SLCO3A1: variants seen among roughly 807,000 people sequenced by gnomAD.
SLCO3A1 encodes the protein solute carrier organic anion transporter family member 3A1, also known as PGE1 transporter.
SLCO3A1 carries 27 observed loss-of-function variants against 63.1 expected under a neutral mutation model. The observed-to-expected ratio is 0.43, with a 90% CI of 0.32 to 0.59. The LOEUF is 0.59. Among genes scored for constraint, SLCO3A1 ranks in the 20% least tolerant of loss-of-function variants. The pLI is 0.09. For missense variants in SLCO3A1, 773 were observed against 945.8 expected (o/e 0.82, Z 2.40); for synonymous variants, 473 against 409.9 (o/e 1.15, Z -1.86).
chr15:92,150,071 G>A (rs777890426), intron 8 of SLCO3A1, among the ~76,000 whole-genome samples: 10 of 152,104 alleles, frequency 6.6e-5, no homozygotes, highest in Admixed American at 2.0e-4. Context: ...CGTCCCCATC[G>A]CTCAATGAAA....
Position 92,132,793 on chromosome 15 carries a change from G to A in SLCO3A1, c.1512+4304G>A, listed in dbSNP as rs1740799929. Reference sequence around the variant, plus strand: ...AAATGCCAAGTAGGTTCTGTGGCGGGGAGGAGGACAGCTCCATTATGGGCC... The same window carrying A: ...AAATGCCAAGTAGGTTCTGTGGCGGAGAGGAGGACAGCTCCATTATGGGCC... On this transcript the variant is annotated intron_variant, in intron 7 of 9. Transcript: ENST00000318445. Among the ~76,000 whole-genome samples, 2 of 144,932 alleles carry A rather than the reference G, an allele frequency of 1.4e-5. 1 individual carries two copies. Among genetic ancestry groups the A allele is most frequent in the Non-Finnish European group, 3.1e-5 (2 of 64,826 alleles).
At chr15:92,032,592 G>A (rs191308465) in intron 2 of SLCO3A1, among the ~76,000 whole-genome samples, 57 of 152,238 alleles carry the variant, frequency 3.7e-4, no homozygotes, top group African/African-American at 1.4e-3. Flanking sequence ...TGGACAAACT[G>A]GGTGAAAGCT....
intron 2 of SLCO3A1, among the ~76,000 whole-genome samples, chr15:92,091,733 C>G (rs1358969534): frequency 6.6e-6 from 1 of 152,158 alleles, no homozygotes; most frequent in Non-Finnish European, 1.5e-5. Flanking sequence ...GAAAAGTGAC[C>G]AGAGGTTGCA....
At chr15:92,141,979 A>G (rs2048139292) in intron 7 of SLCO3A1, among the ~76,000 whole-genome samples, 1 of 152,180 alleles carries the variant, frequency 6.6e-6, no homozygotes, top group Non-Finnish European at 1.5e-5. Context: ...ATCCTGGTGG[A>G]TTGACTCATT....
chr15:91,895,090 T>C (rs1339904258), intron 1 of SLCO3A1, among the ~76,000 whole-genome samples: 2 of 152,196 alleles, frequency 1.3e-5, no homozygotes, highest in Admixed American at 1.3e-4. Flanking sequence ...GGTACATCTC[T>C]TCAAGTCCAA....
rs1362461189 is a variant in SLCO3A1 at position 91,859,742 on chromosome 15, G to T, written c.180+5654G>T. 1.3e-5 allele frequency among the ~76,000 whole-genome samples: 2 copies of T among 152,082 alleles called. No individual in the cohort carries two copies. Among genetic ancestry groups the T allele is most frequent in the Admixed American group, 6.6e-5 (1 of 15,264 alleles). On this transcript the variant is annotated intron_variant, in intron 1 of 9. Coordinates refer to ENST00000318445, the MANE Select transcript of SLCO3A1 (RefSeq NM_013272.4). The surrounding 1 kb of genome is among the most constrained non-coding windows in gnomAD (Gnocchi z 5.1). ...TGAGTCAGTACATGTAAAGCACCTT[G>T]AACAATATCTGGCACATAGTGAGTG... is the stretch of plus-strand genomic sequence containing the variant.
Position 91,860,001 on chromosome 15 carries a change from G to T in SLCO3A1, c.180+5913G>T, listed in dbSNP as rs1171223532. Among the ~76,000 whole-genome samples the T allele has an allele frequency of 6.6e-6, 1 of 152,128 alleles. No homozygotes were observed. The highest frequency in any genetic ancestry group is 1.5e-5 in the Non-Finnish European group (1 of 68,022). ...AAGCTAAATATCAGTTGCTAATTCT[G>T]TTTATTCCCTTATAAATATAGCAAT... On this transcript the variant is annotated intron_variant, in intron 1 of 9. Transcript: ENST00000318445. This position sits in a 1 kb window ranked among gnomAD's most constrained non-coding sequence, Gnocchi z 5.5.
chr15:92,115,547 T>G (rs935757584), intron 4 of SLCO3A1, among the ~76,000 whole-genome samples: 1 of 152,108 alleles, frequency 6.6e-6, no homozygotes, highest in Non-Finnish European at 1.5e-5. Flanking sequence ...CTGGGCCACA[T>G]GCTTTACACA....
intron 1 of SLCO3A1, among the ~76,000 whole-genome samples, chr15:91,871,466 C>G (rs1897276841): frequency 6.6e-6 from 1 of 152,206 alleles, no homozygotes; most frequent in Non-Finnish European, 1.5e-5. Flanking sequence ...TTCCTTGCAG[C>G]AGAGATGATC....
chr15:92,093,107 C>T (rs151102501), intron 2 of SLCO3A1, among the ~76,000 whole-genome samples: 26 of 152,264 alleles, frequency 1.7e-4, no homozygotes, highest in East Asian at 1.2e-3. Context: ...TCTGGGTTCC[C>T]GTGTGTAAAT....
At chr15:92,102,927 T>A (rs1018164475) in intron 3 of SLCO3A1, among the ~76,000 whole-genome samples, 5 of 152,238 alleles carry the variant, frequency 3.3e-5, no homozygotes, top group Non-Finnish European at 5.9e-5. Context: ...CTAACCTTTC[T>A]AAGCCTCAGT....
chr15:91,967,801 C>G lies in SLCO3A1; in HGVS notation c.646+51343C>G, dbSNP rs1278496237. On this transcript the variant is annotated intron_variant, in intron 2 of 9. Transcript: ENST00000318445. The surrounding 1 kb of genome is among the most constrained non-coding windows in gnomAD (Gnocchi z 4.4). ...GAACCACGAGGACGTAGTGGCAGGA[C>G]TAAAGGTCAAGGTCACTTCAGTGTT... Among the ~76,000 whole-genome samples, 1 of 152,168 alleles carries G rather than the reference C, an allele frequency of 6.6e-6. No individual in the cohort carries two copies. Among genetic ancestry groups the G allele is most frequent in the South Asian group, 2.1e-4 (1 of 4,830 alleles).
intron 2 of SLCO3A1, among the ~76,000 whole-genome samples, chr15:91,935,637 G>T (rs1233784974): frequency 1.3e-5 from 2 of 152,192 alleles, no homozygotes; most frequent in African/African-American, 4.8e-5. Flanking sequence ...TTCATGCAAG[G>T]TGGTAGACTC....
Position 91,879,224 on chromosome 15 carries a change from G to C in SLCO3A1, c.180+25136G>C, listed in dbSNP as rs143276995. ...TAAAATATTTATTGCTTGACCCTGA[G>C]TGGGTGCCTATAAAGCAGGTACGTT... On this transcript the variant is annotated intron_variant, in intron 1 of 9. Coordinates refer to ENST00000318445, the MANE Select transcript of SLCO3A1 (RefSeq NM_013272.4). 5.9e-5 allele frequency among the ~76,000 whole-genome samples: 9 copies of C among 152,156 alleles called. No individual in the cohort carries two copies. The East Asian group carries it at 1.4e-3, about 23-fold the overall frequency.
chr15:91,989,987 C>G (rs1346618396), intron 2 of SLCO3A1, among the ~76,000 whole-genome samples: 1 of 152,204 alleles, frequency 6.6e-6, no homozygotes, highest in Non-Finnish European at 1.5e-5. Context: ...TAGAATATTT[C>G]AAAATCCACT....
At chr15:92,030,447 A>G (rs1471163503) in intron 2 of SLCO3A1, among the ~76,000 whole-genome samples, 15 of 152,192 alleles carry the variant, frequency 9.9e-5, no homozygotes, top group African/African-American at 3.6e-4. Flanking sequence ...ATTTCGTGCT[A>G]GAGCCGCAGT....
At chr15:92,024,354 A>C (rs1305031407) in intron 2 of SLCO3A1, among the ~76,000 whole-genome samples, 1 of 152,232 alleles carries the variant, frequency 6.6e-6, no homozygotes, top group Non-Finnish European at 1.5e-5. Context: ...TCCCACTCCC[A>C]GGCTTTAATC....
intron 2 of SLCO3A1, among the ~76,000 whole-genome samples, chr15:92,014,282 T>C (rs1458237565): frequency 6.6e-6 from 1 of 152,044 alleles, no homozygotes; most frequent in African/African-American, 2.4e-5. Flanking sequence ...CTCTTTTAAG[T>C]GCAACTCCGG....
intron 2 of SLCO3A1, among the ~76,000 whole-genome samples, chr15:92,031,547 C>T (rs1460294841): frequency 6.6e-6 from 1 of 152,162 alleles, no homozygotes; most frequent in East Asian, 1.9e-4. Context: ...GACTGTCTTC[C>T]TCTTGGGAAT....
Sources: allele counts gnomAD v4.1 joint callset (sites outside exome capture counted in the v4.1 genomes callset), GRCh38; gene constraint gnomAD v4.1.1; non-coding constraint Gnocchi (gnomAD v3.1); transcripts MANE v1.5; gene names NCBI Gene and HGNC (gene_info 2026-07-23, HGNC 2026-07-21).